OOEP: variants seen among roughly 807,000 people sequenced by gnomAD.
The protein encoded by OOEP is oocyte-expressed protein homolog.
In OOEP, 16 loss-of-function variants were observed where a neutral mutation model predicts 13.7. The ratio of observed to expected loss-of-function variants is 1.16; its 90% CI spans 0.79 to 1.77. The LOEUF is 1.77. Among genes scored for constraint, OOEP ranks in the 40% most tolerant of loss-of-function variants. The pLI is 0.00. For missense variants in OOEP, 195 were observed against 193.1 expected (o/e 1.01, Z -0.06); for synonymous variants, 89 against 77.1 (o/e 1.15, Z -0.81).
intron 2 of OOEP, among the ~76,000 whole-genome samples, chr6:73,385,303 G>A (rs1010054722): frequency 4.0e-5 from 6 of 151,648 alleles, no homozygotes; most frequent in East Asian, 2.0e-4. Context: ...CCAAGATTGC[G>A]CCACTGCACT....
intron 2 of OOEP, among the ~76,000 whole-genome samples, chr6:73,376,759 C>A (rs1388623076): frequency 1.3e-5 from 2 of 152,206 alleles, no homozygotes; most frequent in Admixed American, 1.3e-4. Flanking sequence ...TCAAGCGATT[C>A]TCCTGCCTCA....
In OOEP at chr6:73,394,738, AT is replaced by A. The variant is rs2150785336; in HGVS notation, c.-139del. The A allele has an allele frequency of 3.1e-6, 3 of 960,244 alleles. No individual in the cohort carries two copies. The South Asian group carries it at 5.1e-5, about 16-fold the overall frequency. 59.5% of individuals were successfully genotyped at this position (960,244 alleles called of 1,614,324 possible). A position where few individuals can be genotyped will look rare whatever the true frequency, so the allele number is the denominator to read the frequency against. ...GCTCACTGGCCAATGGCTGCGTGAAATCAGTGCGAAGTGGGCGGGATAGAGA... is the reference window on the plus strand; with the variant it reads ...GCTCACTGGCCAATGGCTGCGTGAAACAGTGCGAAGTGGGCGGGATAGAGA... On this transcript the variant is annotated 5_prime_UTR_variant, in exon 1 of 4. Coordinates refer to the OOEP transcript ENST00000370363.
chr6:73,372,887 C>T (rs1228458797), upstream of OOEP, among the ~76,000 whole-genome samples: 2 of 150,568 alleles, frequency 1.3e-5, no homozygotes, highest in East Asian at 3.9e-4. Flanking sequence ...AAGATTCTTT[C>T]TCACCTTCTC....
At chr6:73,373,165 A>G (rs1004821016), upstream of OOEP, 5 of 1,611,274 alleles carry the variant, frequency 3.1e-6, no homozygotes, top group African/African-American at 2.7e-5. Flanking sequence ...ACCTGATTTT[A>G]TTTCCAGTTT....
At position 73,380,078 on chromosome 6, in the gene OOEP, G is replaced by A. The variant is rs188554271; in HGVS notation, c.26-10693C>T. ...GATTTTGTAACATCACTCATTAGTC[G>A]TTAGGAAAATATTGGTTTATTGAAA... On this transcript the variant is annotated intron_variant, in intron 2 of 3. Transcript: ENST00000370363. Among the ~76,000 whole-genome samples the A allele has an allele frequency of 8.6e-4, 130 of 152,032 alleles. 1 individual carries two copies. Among genetic ancestry groups the A allele is most frequent in the African/African-American group, 2.7e-3 (110 of 41,462 alleles).
upstream of OOEP, among the ~76,000 whole-genome samples, chr6:73,372,558 G>A (rs1423418805): frequency 6.6e-6 from 1 of 152,106 alleles, no homozygotes; most frequent in Admixed American, 6.6e-5. Context: ...GAGACCGATA[G>A]GCCTTTGCAC....
chr6:73,378,834 A>C (rs893692959), intron 2 of OOEP, among the ~76,000 whole-genome samples: 1 of 151,792 alleles, frequency 6.6e-6, no homozygotes, highest in Non-Finnish European at 1.5e-5. Context: ...ACTGCACTCC[A>C]GCCAGCCTGG....
chr6:73,374,198 A>G (rs1281862682), upstream of OOEP, among the ~76,000 whole-genome samples: 3 of 152,146 alleles, frequency 2.0e-5, no homozygotes, highest in Non-Finnish European at 4.4e-5. Flanking sequence ...AAAATAAAAT[A>G]AAGATAACGT....
intron 1 of OOEP, chr6:73,394,631 C>T: frequency 2.2e-6 from 1 of 448,486 alleles, no homozygotes; most frequent in Non-Finnish European, 3.8e-6. Context: ...GGGTGGGGGG[C>T]GGGGCACATC....
At chr6:73,370,047 G>T, upstream of OOEP, 1 of 525,194 alleles carries the variant, frequency 1.9e-6, no homozygotes, top group South Asian at 2.3e-5. Flanking sequence ...GCCTCCTGTT[G>T]GGTCTCCAAT....
intron 2 of OOEP, among the ~76,000 whole-genome samples, chr6:73,385,113 A>G (rs914109839): frequency 3.3e-5 from 5 of 151,454 alleles, no homozygotes; most frequent in East Asian, 2.0e-4. Context: ...TTGGGAGGCC[A>G]AGGTGGGCAG....
At chr6:73,371,764 AAT>A (rs1262517620), upstream of OOEP, among the ~76,000 whole-genome samples, 5 of 151,648 alleles carry the variant, frequency 3.3e-5, no homozygotes, top group African/African-American at 9.7e-5. Context: ...AATAAAAAAA[AAT>A]AAAAATAAAA....
chr6:73,386,899 C>G (rs966821192), intron 2 of OOEP, among the ~76,000 whole-genome samples: 2 of 132,256 alleles, frequency 1.5e-5, no homozygotes, highest in African/African-American at 5.6e-5. Flanking sequence ...ACCCGGGAGG[C>G]GGAGGTTGCA....
At chr6:73,371,892 C>A (rs1200169391), upstream of OOEP, among the ~76,000 whole-genome samples, 1 of 152,178 alleles carries the variant, frequency 6.6e-6, no homozygotes. Context: ...GGCACCACTA[C>A]ACTCCAGCCT....
intron 2 of OOEP, among the ~76,000 whole-genome samples, chr6:73,390,744 T>TTTTTTTTTTC (rs200135536): frequency 6.7e-6 from 1 of 148,794 alleles, no homozygotes; most frequent in Non-Finnish European, 1.5e-5. Flanking sequence ...GCCCAGCTAA[T>TTTTTTTTTTC]TTTTTTTTTC....
intron 2 of OOEP, among the ~76,000 whole-genome samples, chr6:73,376,341 GTTGTTTT>G (rs1207530568): frequency 0.012 from 795 of 67,856 alleles, 6 homozygotes; most frequent in Middle Eastern, 0.04. Context: ...TGGACAAGGG[GTTGTTTT>G]TTTTTTTTTT....
chr6:73,394,498 A>G (rs1333510571), intron 1 of OOEP: 3 of 627,854 alleles, frequency 4.8e-6, no homozygotes, highest in African/African-American at 3.7e-5. Flanking sequence ...TCTATTTAAA[A>G]AGAAAAAAAA....
chr6:73,385,396 A>C (rs557516942), intron 2 of OOEP, among the ~76,000 whole-genome samples: 5 of 152,056 alleles, frequency 3.3e-5, no homozygotes, highest in Non-Finnish European at 7.4e-5. Context: ...TTAAAAAAAA[A>C]ATTATATACC....
At chr6:73,381,274 TA>T (rs1420694187) in intron 2 of OOEP, among the ~76,000 whole-genome samples, 1 of 126,278 alleles carries the variant, frequency 7.9e-6, no homozygotes, top group Admixed American at 7.9e-5. Flanking sequence ...AACATAAAAA[TA>T]GCAGTGAATG....
Sources: allele counts gnomAD v4.1 joint callset (sites outside exome capture counted in the v4.1 genomes callset), GRCh38; gene constraint gnomAD v4.1.1; transcripts MANE v1.5; gene names NCBI Gene and HGNC (gene_info 2026-07-23, HGNC 2026-07-21).